The following CROCC variants were observed in gnomAD, a reference collection of about 807,000 sequenced individuals.
CROCC encodes rootletin.
In CROCC, 180 loss-of-function variants were observed where a neutral mutation model predicts 245.2. That is an observed-to-expected ratio of 0.73 (90% CI 0.65 to 0.83). The LOEUF is 0.83. Among genes scored for constraint, CROCC ranks in the 40% least tolerant of loss-of-function variants. The pLI, the probability that CROCC is intolerant of heterozygous loss-of-function variation, is 0.00. For missense variants in CROCC, 2,688 were observed against 2,779.4 expected, an observed-to-expected ratio of 0.97 and a Z score of 0.74; for synonymous variants, 1,205 against 1,241.6, an observed-to-expected ratio of 0.97 and a Z score of 0.62.
At chr1:16,946,019 C>T (rs1203977044) in intron 15 of CROCC, among the ~76,000 whole-genome samples, 2 of 152,288 alleles carry the variant, frequency 1.3e-5, no homozygotes, top group African/African-American at 2.4e-5. Context: ...ATCCTCTGAA[C>T]TCTGGCCCTG....
chr1:16,961,461 G>C (rs530624021), intron 27 of CROCC, among the ~76,000 whole-genome samples: 1 of 151,930 alleles, frequency 6.6e-6, no homozygotes, highest in Non-Finnish European at 1.5e-5. Context: ...TTGTGGAGAC[G>C]GGGTCTCACT....
At chr1:16,958,471 G>A (rs1296543430) in intron 25 of CROCC, 112 bp from the exon 26 acceptor site, 10 of 1,281,736 alleles carry the variant, frequency 7.8e-6, no homozygotes, top group Non-Finnish European at 9.7e-6. Context: ...TGGATGTGGG[G>A]TGGTATTTGA....
At position 16,930,036 on chromosome 1, in the gene CROCC, G is replaced by A. The variant is rs371339969; in HGVS notation, c.537+5G>A. The A allele has an allele frequency of 2.2e-5, 34 of 1,571,464 alleles. No individual in the cohort carries two copies. In the African/African-American group the frequency reaches 3.7e-4, roughly 17 times the overall value. On this transcript the variant is annotated splice_donor_5th_base_variant and intron_variant, in intron 4 of 36. Transcript: ENST00000375541. ...GTGCAGCGGCTGCAGGGCAAGGTCA[G>A]GACCACCCACTCCTGCTCCTGTCCT...
chr1:16,940,783 A>T, intron 13 of CROCC: 1 of 281,828 alleles, frequency 3.5e-6, no homozygotes, highest in Non-Finnish European at 7.2e-6. Flanking sequence ...CTGGGGCACA[A>T]TTGGTCCATC....
At chr1:16,926,267 C>G (rs1229475204) in intron 3 of CROCC, among the ~76,000 whole-genome samples, 1 of 152,248 alleles carries the variant, frequency 6.6e-6, no homozygotes, top group East Asian at 1.9e-4. Flanking sequence ...GGGTGGGTCC[C>G]CAGAGAACTT....
chr1:16,962,136 C>T (rs2100531183), intron 27 of CROCC, among the ~76,000 whole-genome samples: 1 of 151,706 alleles, frequency 6.6e-6, no homozygotes, highest in Non-Finnish European at 1.5e-5. Flanking sequence ...GATCTCGGCT[C>T]ACTGCAACCT....
intron 17 of CROCC, among the ~76,000 whole-genome samples, chr1:16,947,251 T>C (rs1430677998): frequency 2.0e-5 from 3 of 152,236 alleles, no homozygotes; most frequent in African/African-American, 7.2e-5. Context: ...CCGAGGCGGG[T>C]GGATCACCTG....
At chr1:16,936,543 A>G (rs557580731) in intron 8 of CROCC, 94 bp from the exon 9 acceptor site, 89 of 1,284,018 alleles carry the variant, frequency 6.9e-5, no homozygotes, top group Non-Finnish European at 8.9e-5. Flanking sequence ...TGCTGGGATT[A>G]TAGGTGTGAG....
intron 6 of CROCC, 34 bp downstream of exon 6, chr1:16,930,381 G>A (rs776727921): frequency 1.7e-5 from 27 of 1,611,126 alleles, no homozygotes; most frequent in African/African-American, 2.7e-5. Context: ...AGGGCTGGCA[G>A]GATGGCCCCC....
intron 3 of CROCC, among the ~76,000 whole-genome samples, chr1:16,929,190 T>A (rs1193898632): frequency 6.6e-6 from 1 of 152,268 alleles, no homozygotes; most frequent in African/African-American, 2.4e-5. Context: ...CTTACAAATC[T>A]TAATGCTGTG....
Position 16,948,326 on chromosome 1 carries a change from G to A in CROCC, c.2515-5G>A, listed in dbSNP as rs779079964. The A allele has an allele frequency of 6.4e-7, 1 of 1,557,760 alleles. No individual in the cohort carries two copies. Among genetic ancestry groups the A allele is most frequent in the South Asian group, 1.2e-5 (1 of 83,380 alleles). ...AGTGCTACTCAGTCTCTGGGTGGGG[G>A]CCAGCTCTCCCGGCAGCTGAGCGGG... On this transcript the variant is annotated splice_polypyrimidine_tract_variant and splice_region_variant and intron_variant, in intron 17 of 36. Coordinates refer to ENST00000375541, the MANE Select transcript of CROCC (RefSeq NM_014675.5).
intron 17 of CROCC, among the ~76,000 whole-genome samples, chr1:16,947,855 T>C (rs1333060966): frequency 2.0e-5 from 3 of 152,262 alleles, no homozygotes; most frequent in Admixed American, 6.5e-5. Flanking sequence ...TGTTTTTTTT[T>C]CCAGACAGAG....
chr1:16,921,241 T>A (rs1370953287), upstream of CROCC, among the ~76,000 whole-genome samples: 46 of 152,294 alleles, frequency 3.0e-4, no homozygotes, highest in African/African-American at 1.0e-3. Flanking sequence ...GCAAAGTCAG[T>A]GTCCCTGGTG....
rs1018931755 is a variant in CROCC, at chr1:16,953,499, T to G, written c.3186+18T>G. 9 of 1,585,156 alleles carry G rather than the reference T, an allele frequency of 5.7e-6. No individual in the cohort carries two copies. The highest frequency in any genetic ancestry group is 7.7e-6 in the Non-Finnish European group (9 of 1,172,236). ...AGCAGCAGGTTCGTGAGCCCTGGCA[T>G]GGCCTCTGCTGCTCTCTGAGCTGCT... On this transcript the variant is annotated intron_variant, in intron 21 of 36. Transcript: ENST00000375541.
chr1:16,966,236 C>A lies in CROCC; in HGVS notation c.4696+117C>A. Reference sequence around the variant, plus strand: ...CCCCCATGACCTGACTCGGGGCTGTCTCCAAGAGGACCCTCCTTGGACAGC... The same window carrying A: ...CCCCCATGACCTGACTCGGGGCTGTATCCAAGAGGACCCTCCTTGGACAGC... On this transcript the variant is annotated intron_variant, in intron 29 of 36. Transcript: ENST00000375541. The surrounding 1 kb of genome is among the most constrained non-coding windows in gnomAD (Gnocchi z 4.8). 1 of 1,471,050 alleles carries A rather than the reference C, an allele frequency of 6.8e-7. No individual in the cohort carries two copies. The highest frequency in any genetic ancestry group is 1.4e-5 in the South Asian group (1 of 73,288). 91.1% of individuals were successfully genotyped at this position (1,471,050 alleles called of 1,614,324 possible).
intron 8 of CROCC, among the ~76,000 whole-genome samples, chr1:16,935,649 C>T (rs1408779613): frequency 6.6e-6 from 1 of 152,292 alleles, no homozygotes; most frequent in Non-Finnish European, 1.5e-5. Context: ...TGGTCTCGAT[C>T]TCCCGACCTC....
Position 16,946,239 on chromosome 1 carries a change from C to T in CROCC, c.2137-20C>T. On this transcript the variant is annotated intron_variant, in intron 15 of 36. Coordinates refer to ENST00000375541, the MANE Select transcript of CROCC (RefSeq NM_014675.5). ...CCGACCTTTCTGCCTTTCCTCATTT[C>T]TCGGGGCCTGACCCTGCAGGCTGAG... is the stretch of plus-strand genomic sequence containing the variant. 6.2e-7 allele frequency: 1 copy of T among 1,608,178 alleles called. No individual in the cohort carries two copies. The highest frequency in any genetic ancestry group is 8.5e-7 in the Non-Finnish European group (1 of 1,177,534).
chr1:16,951,094 A>C lies in CROCC; in HGVS notation c.2978A>C (p.Glu993Ala). 1.3e-6 allele frequency: 2 copies of C among 1,576,412 alleles called. No individual in the cohort carries two copies. Among genetic ancestry groups the C allele is most frequent in the Non-Finnish European group, 1.7e-6 (2 of 1,162,104 alleles). The change falls in exon 20 of 37, where the codon GAG (glutamate) becomes GCG (alanine). Residue 993 changes from glutamate (E) to alanine (A), a missense_variant. Glu to Ala is a moderately radical substitution (Grantham distance 107). Coordinates refer to ENST00000375541, the MANE Select transcript of CROCC (RefSeq NM_014675.5). ...SLREQRAAHE[E>A]DLQRLQREKE... ...CGGGAGCAGCGGGCAGCTCACGAGG[A>C]GGACTTACAGCGACTCCAGCGTGAA...
At chr1:16,933,854 C>T (rs545276694) in intron 8 of CROCC, among the ~76,000 whole-genome samples, 571 of 152,258 alleles carry the variant, frequency 3.8e-3, no homozygotes, top group African/African-American at 0.013. Context: ...CCACTGTGCC[C>T]GGCCCCTGCT....
Sources: gnomAD v4.1 joint callset for allele counts (sites outside exome capture counted in the v4.1 genomes callset) on GRCh38, gnomAD v4.1.1 for gene constraint, Gnocchi (gnomAD v3.1) non-coding constraint, MANE v1.5 for transcripts, NCBI Gene and HGNC (gene_info 2026-07-23, HGNC 2026-07-21) for gene names.